The following NOB1 variants were observed in gnomAD, a reference collection of about 807,000 sequenced individuals.
The protein encoded by NOB1 is NIN1 (RPN12) binding protein 1 homolog, also known as RNA-binding protein NOB1.
A neutral mutation model predicts 44.8 loss-of-function variants in NOB1; 44 were observed. The ratio of observed to expected loss-of-function variants is 0.98; its 90% CI spans 0.77 to 1.26. The LOEUF (loss-of-function observed/expected upper bound fraction) is 1.26, where lower values mean the gene tolerates loss of function less well. Among genes scored for constraint, NOB1 ranks in the 50% most tolerant of loss-of-function variants. The pLI, the probability that NOB1 is intolerant of heterozygous loss-of-function variation, is 0.00. For missense variants in NOB1, 560 were observed against 544.8 expected (o/e 1.03, Z -0.28); for synonymous variants, 238 against 218.7 (o/e 1.09, Z -0.78).
rs763123715 is a variant in NOB1, at chr16:69,754,885, G to T, written c.26C>A (p.Ala9Glu). MAPVEHVV[A>E]DAGAFLRHAA... ...ATGCCGCAGGAAAGCCCCAGCATCC[G>T]CCACAACGTGCTCCACTGGAGCCAT... The change falls in exon 1 of 9, where the codon GCG (alanine) becomes GAG (glutamate). Residue 9 changes from alanine to glutamate, a missense_variant. Coordinates refer to ENST00000268802, the MANE Select transcript of NOB1 (RefSeq NM_014062.3). The T allele has an allele frequency of 2.5e-6, 4 of 1,594,964 alleles. No homozygotes were observed. Among genetic ancestry groups the T allele is most frequent in the Non-Finnish European group, 3.4e-6 (4 of 1,171,932 alleles).
In NOB1 at chr16:69,754,863, C is replaced by G; in HGVS notation, c.48G>C (p.Arg16=). The change falls in exon 1 of 9, where the codon CGG becomes CGC. Residue 16 remains arginine, a synonymous_variant. Transcript: ENST00000268802. ...CTCCCCGTACCTGCAGAGCCGCATG[C>G]CGCAGGAAAGCCCCAGCATCCGCCA... ...HVVADAGAFL[R]HAALQDIGKN... The G allele has an allele frequency of 6.3e-7, 1 of 1,598,210 alleles. No individual in the cohort carries two copies. The highest frequency in any genetic ancestry group is 8.5e-7 in the Non-Finnish European group (1 of 1,173,324).
Position 69,743,281 on chromosome 16 carries a change from T to C in NOB1, c.970-680A>G, listed in dbSNP as rs916605859. Among the ~76,000 whole-genome samples, 16 of 152,244 alleles carry C rather than the reference T, an allele frequency of 1.1e-4. 2 individuals are homozygous for C. The highest frequency in any genetic ancestry group is 3.9e-4 in the East Asian group (2 of 5,194). ...ACAGTATAATACCAGGTCATAAACATGGAAGGAATGACAGAAAATCACCAT... is the reference window on the plus strand; with the variant it reads ...ACAGTATAATACCAGGTCATAAACACGGAAGGAATGACAGAAAATCACCAT... On this transcript the variant is annotated intron_variant, in intron 8 of 8. Transcript: ENST00000268802.
chr16:69,743,469 T>C, intron 8 of NOB1, among the ~76,000 whole-genome samples: 1 of 152,224 alleles, frequency 6.6e-6, no homozygotes, highest in Non-Finnish European at 1.5e-5. Flanking sequence ...TTGAAGTTAG[T>C]ATCACCAGTA....
intron 8 of NOB1, among the ~76,000 whole-genome samples, chr16:69,742,805 C>T (rs2038396215): frequency 2.6e-5 from 4 of 152,156 alleles, no homozygotes; most frequent in Admixed American, 2.0e-4. Context: ...AAAAACCGAA[C>T]ACGGTATTTT....
At position 69,748,985 on chromosome 16, in the gene NOB1, T is replaced by C. The variant is rs1292954268; in HGVS notation, c.659A>G (p.Glu220Gly). The part of the protein sequence containing the change: ...TPSNIKQIQQ[E>G]LEQCDVPEDV... ...CTCGGGGACGTCACACTGCTCCAGC[T>C]CCTGCTGGATCTGCTTGATGTTACT... Residue 220 changes from glutamate (E) to glycine (G), a missense_variant, in exon 6 of 9, where the codon GAG becomes GGG. By Grantham distance (98) the Glu-to-Gly change is moderately conservative (BLOSUM62 -2). Coordinates refer to ENST00000268802, the MANE Select transcript of NOB1 (RefSeq NM_014062.3). 6.2e-7 allele frequency: 1 copy of C among 1,614,190 alleles called. No individual in the cohort carries two copies. Among genetic ancestry groups the C allele is most frequent in the South Asian group, 1.1e-5 (1 of 91,068 alleles).
intron 4 of NOB1, 89 bp downstream of exon 4, chr16:69,749,470 A>T (rs1214036674): frequency 6.5e-7 from 1 of 1,534,332 alleles, no homozygotes; most frequent in Non-Finnish European, 9.0e-7. Context: ...TGGTCCGCGT[A>T]AATTTAGTTC....
chr16:69,745,672 G>A (rs1049126889), intron 7 of NOB1, among the ~76,000 whole-genome samples: 6 of 152,178 alleles, frequency 3.9e-5, no homozygotes, highest in Non-Finnish European at 7.3e-5. Context: ...GTGGACTCTC[G>A]ACAGGAGAAA....
chr16:69,742,320 G>A lies in NOB1; in HGVS notation c.*12C>T. On this transcript the variant is annotated 3_prime_UTR_variant, in exon 9 of 9. Coordinates refer to ENST00000268802, the MANE Select transcript of NOB1 (RefSeq NM_014062.3). ...CAGACGCCCATCCAATTTGCCTGCG[G>A]GAACTCGCTCTTCACCTTTTCTTCA... The A allele has an allele frequency of 1.2e-6, 2 of 1,605,112 alleles. No individual in the cohort carries two copies. Among genetic ancestry groups the A allele is most frequent in the Non-Finnish European group, 1.7e-6 (2 of 1,172,902 alleles).
At chr16:69,749,770 G>T in intron 3 of NOB1, 140 bp from the exon 4 acceptor site, 1 of 596,202 alleles carries the variant, frequency 1.7e-6, no homozygotes, top group Non-Finnish European at 2.8e-6. Context: ...CCAAGGTCAG[G>T]AATTGGAGAC....
Position 69,749,934 on chromosome 16 carries a change from C to T in NOB1, c.328-304G>A, listed in dbSNP as rs184177116. ...CGGAGGTTGCAGTGGGCTGAGATCA[C>T]GCCACTGCACTCCAGCCTGGGGAAC... On this transcript the variant is annotated intron_variant, in intron 3 of 8. Transcript: ENST00000268802. 1.2e-4 allele frequency among the ~76,000 whole-genome samples: 18 copies of T among 149,956 alleles called. No individual in the cohort carries two copies. In the East Asian group the frequency reaches 3.2e-3, roughly 26 times the overall value.
intron 3 of NOB1, 49 bp downstream of exon 3, chr16:69,752,192 G>T: frequency 1.3e-6 from 2 of 1,574,912 alleles, no homozygotes; most frequent in South Asian, 2.2e-5. Context: ...TTGTATACCT[G>T]ACAGTTCCCA....
At chr16:69,747,161 C>T (rs1236249947) in intron 7 of NOB1, among the ~76,000 whole-genome samples, 3 of 137,876 alleles carry the variant, frequency 2.2e-5, no homozygotes, top group East Asian at 2.1e-4. Flanking sequence ...GCGAAGGTTG[C>T]AGTGAGTCGT....
At chr16:69,749,995 A>C (rs1330922700) in intron 3 of NOB1, among the ~76,000 whole-genome samples, 3 of 110,388 alleles carry the variant, frequency 2.7e-5, no homozygotes, top group Non-Finnish European at 3.5e-5. Context: ...AAAAAAGGAT[A>C]CCCAATTTTT....
intron 3 of NOB1, among the ~76,000 whole-genome samples, chr16:69,751,669 G>A (rs984638723): frequency 6.6e-6 from 1 of 152,244 alleles, no homozygotes; most frequent in Admixed American, 6.5e-5. Flanking sequence ...TTTTGTGTAG[G>A]TGTAATGATG....
intron 3 of NOB1, among the ~76,000 whole-genome samples, chr16:69,750,826 G>C (rs894142288): frequency 6.6e-6 from 1 of 152,160 alleles, no homozygotes; most frequent in Non-Finnish European, 1.5e-5. Context: ...GTCCACCATA[G>C]TTTTGATGAC....
At chr16:69,754,381 G>A (rs2038506978) in intron 2 of NOB1, among the ~76,000 whole-genome samples, 1 of 152,162 alleles carries the variant, frequency 6.6e-6, no homozygotes, top group Non-Finnish European at 1.5e-5. Context: ...AGGTAAACGA[G>A]GCCCAAATTT....
At chr16:69,742,871 T>C (rs1016729806) in intron 8 of NOB1, among the ~76,000 whole-genome samples, 1 of 152,162 alleles carries the variant, frequency 6.6e-6, no homozygotes, top group Admixed American at 6.5e-5. Context: ...AACATTCCAG[T>C]GTGTATTTAC....
intron 2 of NOB1, among the ~76,000 whole-genome samples, chr16:69,754,213 G>A (rs759770741): frequency 5.9e-5 from 9 of 152,222 alleles, no homozygotes; most frequent in African/African-American, 1.4e-4. Flanking sequence ...AGAAATGGAC[G>A]AGAGTAATAG....
rs747498496 is a variant in NOB1 at position 69,754,924 on chromosome 16, G to C, written c.-14C>G. On this transcript the variant is annotated 5_prime_UTR_variant, in exon 1 of 9. Transcript: ENST00000268802. ...CACTGGAGCCATGTTGGCTGCGTGA[G>C]AGGGGAGCGCGCATGCGCACGGAGC... 1.3e-6 allele frequency: 2 copies of C among 1,569,478 alleles called. No homozygotes were observed. The highest frequency in any genetic ancestry group is 1.2e-5 in the South Asian group (1 of 86,188).
Sources: gnomAD v4.1 joint callset for allele counts (sites outside exome capture counted in the v4.1 genomes callset) on GRCh38, gnomAD v4.1.1 for gene constraint, MANE v1.5 for transcripts, NCBI Gene and HGNC (gene_info 2026-07-23, HGNC 2026-07-21) for gene names.